The following MARCO variants were observed in gnomAD, a reference collection of about 807,000 sequenced individuals.
MARCO encodes macrophage receptor MARCO.
In MARCO, 72 loss-of-function variants were observed where a neutral mutation model predicts 70.0. The ratio of observed to expected loss-of-function variants is 1.03; its 90% CI spans 0.85 to 1.25. The LOEUF (loss-of-function observed/expected upper bound fraction) is 1.25, where lower values mean the gene tolerates loss of function less well. MARCO is among the 50% of genes most tolerant of loss of function. MARCO has a pLI of 0.00. For synonymous variants in MARCO, 273 were observed against 243.1 expected, an observed-to-expected ratio of 1.12 and a Z score of -1.14; for missense variants, 696 against 659.3, an observed-to-expected ratio of 1.06 and a Z score of -0.61.
At chr2:118,971,407 C>A in intron 3 of MARCO, 92 bp from the exon 4 acceptor site, 1 of 1,246,728 alleles carries the variant, frequency 8.0e-7, no homozygotes, top group East Asian at 2.3e-5. Context: ...GGAGGGCTTA[C>A]CCTCCCACTG....
intron 1 of MARCO, among the ~76,000 whole-genome samples, chr2:118,968,581 G>A (rs1363116304): frequency 6.6e-6 from 1 of 152,170 alleles, no homozygotes. Flanking sequence ...ACCTTAGGGG[G>A]TTGAGGGATG....
intron 8 of MARCO, among the ~76,000 whole-genome samples, chr2:118,978,666 T>C (rs1680333247): frequency 6.6e-6 from 1 of 152,236 alleles, no homozygotes; most frequent in African/African-American, 2.4e-5. Context: ...TTCTGAGCTT[T>C]AATGTTCTCA....
At chr2:118,991,938 T>A in intron 14 of MARCO, 63 bp downstream of exon 14, 1 of 1,166,544 alleles carries the variant, frequency 8.6e-7, no homozygotes, top group Non-Finnish European at 1.2e-6. Context: ...GTTCTGTACC[T>A]TAAAATAGGA....
chr2:118,984,354 A>T lies in MARCO; in HGVS notation c.1063+1944A>T, dbSNP rs1398699089. On this transcript the variant is annotated intron_variant, in intron 12 of 16. Coordinates refer to ENST00000327097, the MANE Select transcript of MARCO (RefSeq NM_006770.4). ...AAGACTTTTGGCCCATAGCTTGGGG[A>T]TCATTTTAATTTCATCCTCATCGAG... Among the ~76,000 whole-genome samples, 4 of 152,330 alleles carry T rather than the reference A, an allele frequency of 2.6e-5. No homozygotes were observed. The East Asian group carries it at 7.7e-4, about 29-fold the overall frequency.
chr2:118,974,260 T>C (rs759657937), intron 4 of MARCO, 73 bp from the exon 5 acceptor site: 18 of 863,622 alleles, frequency 2.1e-5, no homozygotes, highest in Admixed American at 8.0e-5. Context: ...TGAATCACCA[T>C]GTAAGTGATT....
At chr2:118,986,769 GAAAA>G (rs1349527946) in intron 12 of MARCO, among the ~76,000 whole-genome samples, 1 of 151,514 alleles carries the variant, frequency 6.6e-6, no homozygotes, top group African/African-American at 2.4e-5. Flanking sequence ...AAGAAAGAAA[GAAAA>G]GAAAGAGTGT....
At position 118,969,232 on chromosome 2, in the gene MARCO, C is replaced by T; in HGVS notation, c.170C>T (p.Thr57Ile). ...AVVVIYLILL[T>I]AGAGLLVVQV... ...GTGGTCATCTACCTGATCCTGCTCA[C>T]CGCTGGCGCTGGGCTGCTGGTGGTC... is the stretch of plus-strand genomic sequence containing the variant. Residue 57 changes from threonine (T) to isoleucine (I), a missense_variant, in exon 2 of 17, where the codon ACC becomes ATC. Thr to Ile is a moderately conservative substitution (Grantham distance 89, BLOSUM62 -1). Transcript: ENST00000327097. 1 of 1,614,182 alleles carries T rather than the reference C, an allele frequency of 6.2e-7. No homozygotes were observed.
At chr2:118,958,497 G>T (rs559923951) in intron 1 of MARCO, among the ~76,000 whole-genome samples, 28 of 151,284 alleles carry the variant, frequency 1.9e-4, no homozygotes, top group Non-Finnish European at 3.2e-4. Context: ...ACTGCTGAAA[G>T]AATCATAGAT....
intron 1 of MARCO, among the ~76,000 whole-genome samples, chr2:118,945,980 C>T (rs1679590498): frequency 6.6e-6 from 1 of 152,206 alleles, no homozygotes; most frequent in Non-Finnish European, 1.5e-5. Flanking sequence ...TGCAACACGA[C>T]TGCTATTATT....
At chr2:118,967,569 T>C (rs1680076922) in intron 1 of MARCO, among the ~76,000 whole-genome samples, 1 of 152,014 alleles carries the variant, frequency 6.6e-6, no homozygotes, top group African/African-American at 2.4e-5. Flanking sequence ...GACGGGGCAC[T>C]CCATGCTAAA....
intron 1 of MARCO, among the ~76,000 whole-genome samples, chr2:118,950,169 A>G (rs964313162): frequency 4.6e-5 from 7 of 152,180 alleles, no homozygotes; most frequent in African/African-American, 1.4e-4. Context: ...TTACCTTTAT[A>G]TGAGTGTGTC....
At chr2:118,943,513 C>T (rs1246171797) in intron 1 of MARCO, among the ~76,000 whole-genome samples, 4 of 152,088 alleles carry the variant, frequency 2.6e-5, no homozygotes, top group South Asian at 2.1e-4. Context: ...GCTTCTGGCA[C>T]GAGGGGACAG....
chr2:118,954,522 G>A (rs549617381), intron 1 of MARCO, among the ~76,000 whole-genome samples: 8 of 152,166 alleles, frequency 5.3e-5, no homozygotes, highest in Non-Finnish European at 1.2e-4. Flanking sequence ...GTGATATTGG[G>A]AGTTCTAGGG....
At chr2:118,947,237 C>A (rs1356503046) in intron 1 of MARCO, among the ~76,000 whole-genome samples, 3 of 152,068 alleles carry the variant, frequency 2.0e-5, no homozygotes, top group African/African-American at 4.8e-5. Context: ...AGTTCTTTAG[C>A]CCTTGTTGGT....
intron 16 of MARCO, among the ~76,000 whole-genome samples, chr2:118,994,139 G>C (rs1468343708): frequency 6.6e-6 from 1 of 152,116 alleles, no homozygotes; most frequent in Non-Finnish European, 1.5e-5. Flanking sequence ...TTAAAGATTT[G>C]CATGAGACTT....
chr2:118,947,441 G>C (rs762771334), intron 1 of MARCO, among the ~76,000 whole-genome samples: 18 of 152,130 alleles, frequency 1.2e-4, no homozygotes, highest in Admixed American at 5.9e-4. Flanking sequence ...CTCCCAAGTA[G>C]CTGGGACTAG....
chr2:118,957,424 C>T (rs1242804041), intron 1 of MARCO, among the ~76,000 whole-genome samples: 1 of 151,994 alleles, frequency 6.6e-6, no homozygotes, highest in Admixed American at 6.6e-5. Context: ...ATACAACGTT[C>T]CTAGCTTAAA....
intron 12 of MARCO, among the ~76,000 whole-genome samples, chr2:118,985,674 A>G (rs1459494869): frequency 6.6e-6 from 1 of 152,216 alleles, no homozygotes; most frequent in Non-Finnish European, 1.5e-5. Context: ...TTAGCTCTAC[A>G]TGTCTTAGCT....
chr2:118,958,750 C>A (rs1301089856), intron 1 of MARCO, among the ~76,000 whole-genome samples: 1 of 152,144 alleles, frequency 6.6e-6, no homozygotes, highest in Non-Finnish European at 1.5e-5. Context: ...TATCTGATTT[C>A]AAACTATACT....
Sources: allele counts gnomAD v4.1 joint callset (sites outside exome capture counted in the v4.1 genomes callset), GRCh38; gene constraint gnomAD v4.1.1; transcripts MANE v1.5; gene names NCBI Gene and HGNC (gene_info 2026-07-23, HGNC 2026-07-21).